CTNNA2: variants seen among roughly 807,000 people sequenced by gnomAD.
CTNNA2 encodes catenin alpha-2.
Under a neutral mutation model 101.0 loss-of-function variants are expected in CTNNA2, and 42 were observed. The ratio of observed to expected loss-of-function variants is 0.42; its 90% CI spans 0.32 to 0.54. The LOEUF (loss-of-function observed/expected upper bound fraction) is 0.54, where lower values mean the gene tolerates loss of function less well. Among genes scored for constraint, CTNNA2 ranks in the 20% least tolerant of loss-of-function variants. CTNNA2 has a pLI of 0.14. For missense variants in CTNNA2, 871 were observed against 1,223.1 expected (o/e 0.71, Z 4.29); for synonymous variants, 450 against 456.4 (o/e 0.99, Z 0.18).
At chr2:79,836,518 A>G (rs1679375999) in intron 3 of CTNNA2, among the ~76,000 whole-genome samples, 1 of 152,208 alleles carries the variant, frequency 6.6e-6, no homozygotes, top group South Asian at 2.1e-4. Context: ...ATCACAAACC[A>G]CATGGCTTAA....
At chr2:80,105,183 G>A (rs538815465) in intron 7 of CTNNA2, among the ~76,000 whole-genome samples, 2 of 152,304 alleles carry the variant, frequency 1.3e-5, no homozygotes, top group East Asian at 3.9e-4. Flanking sequence ...CCAACAGAAT[G>A]ATTGATCATG....
At chr2:79,696,968 A>G (rs1684689825) in intron 2 of CTNNA2, among the ~76,000 whole-genome samples, 1 of 151,994 alleles carries the variant, frequency 6.6e-6, no homozygotes, top group African/African-American at 2.4e-5. Flanking sequence ...AAATAAGATC[A>G]CAGATCTAAA....
At chr2:79,982,070 GCT>G (rs930013252) in intron 7 of CTNNA2, among the ~76,000 whole-genome samples, 40 of 150,048 alleles carry the variant, frequency 2.7e-4, no homozygotes, top group African/African-American at 9.8e-4. Flanking sequence ...ACAGGGTCTT[GCT>G]CTGTTATCCA....
intron 2 of CTNNA2, among the ~76,000 whole-genome samples, chr2:79,302,114 A>G (rs978877697): frequency 6.7e-6 from 1 of 150,140 alleles, no homozygotes; most frequent in Admixed American, 6.6e-5. Flanking sequence ...AAATAAATAA[A>G]TAAGTAAATA....
intron 4 of CTNNA2, among the ~76,000 whole-genome samples, chr2:79,400,000 T>G (rs1203481056): frequency 6.6e-6 from 1 of 151,882 alleles, no homozygotes; most frequent in Non-Finnish European, 1.5e-5. Context: ...GTGCCCAAAG[T>G]GGTTGGAGCA....
chr2:80,198,015 T>C (rs1187747595), intron 7 of CTNNA2, among the ~76,000 whole-genome samples: 2 of 152,148 alleles, frequency 1.3e-5, no homozygotes, highest in Non-Finnish European at 2.9e-5. Context: ...CAATAGTCAC[T>C]CTGAAATACT....
At chr2:79,309,581 G>A (rs1294260780) in intron 2 of CTNNA2, among the ~76,000 whole-genome samples, 1 of 151,956 alleles carries the variant, frequency 6.6e-6, no homozygotes, top group Admixed American at 6.6e-5. Context: ...AAAAATAACT[G>A]ATTGGTTAAC....
chr2:79,828,358 A>G (rs1040157954), intron 3 of CTNNA2, among the ~76,000 whole-genome samples: 4 of 152,212 alleles, frequency 2.6e-5, no homozygotes, highest in African/African-American at 7.2e-5. Flanking sequence ...TTGTCCATTT[A>G]TAAGCTAGAG....
chr2:79,995,902 A>G (rs1010494546), intron 7 of CTNNA2, among the ~76,000 whole-genome samples: 32 of 152,344 alleles, frequency 2.1e-4, no homozygotes, highest in African/African-American at 6.0e-4. Context: ...AAAAAGTGAT[A>G]CAACTATTGG....
chr2:79,950,764 T>A (rs952738713), intron 7 of CTNNA2, among the ~76,000 whole-genome samples: 2 of 152,232 alleles, frequency 1.3e-5, no homozygotes, highest in Admixed American at 6.5e-5. Flanking sequence ...GGATTAGCTT[T>A]ACAGATGGCT....
chr2:79,491,378 A>G (rs2104564832), intron 4 of CTNNA2, among the ~76,000 whole-genome samples: 1 of 152,336 alleles, frequency 6.6e-6, no homozygotes, highest in East Asian at 1.9e-4. Context: ...TAATTTGAAG[A>G]GTATATACCA....
chr2:80,079,593 C>G (rs891473120), intron 7 of CTNNA2, among the ~76,000 whole-genome samples: 6 of 152,004 alleles, frequency 3.9e-5, no homozygotes, highest in Non-Finnish European at 7.4e-5. Flanking sequence ...GCGGGCAGAT[C>G]ACAAGGTCAG....
chr2:80,436,896 G>A (rs1049203410), intron 9 of CTNNA2, among the ~76,000 whole-genome samples: 44 of 152,196 alleles, frequency 2.9e-4, no homozygotes, highest in Admixed American at 2.6e-4. Flanking sequence ...TGTAAATTTT[G>A]GAGAGAAAAA....
At chr2:79,930,300 GAA>G (rs757917719) in intron 7 of CTNNA2, among the ~76,000 whole-genome samples, 685 of 34,358 alleles carry the variant, frequency 0.02, 6 homozygotes, top group African/African-American at 0.082. Flanking sequence ...GAAAGAGAAA[GAA>G]AGAAAGAAAG....
At chr2:79,659,506 G>A (rs868634906) in intron 2 of CTNNA2, among the ~76,000 whole-genome samples, 18 of 152,158 alleles carry the variant, frequency 1.2e-4, no homozygotes, top group Non-Finnish European at 2.4e-4. Context: ...GGTAAAGGAT[G>A]TGCTAAAAGT....
chr2:79,976,537 G>T (rs1690854304), intron 7 of CTNNA2, among the ~76,000 whole-genome samples: 1 of 152,096 alleles, frequency 6.6e-6, no homozygotes. Flanking sequence ...CTGTCCCAGT[G>T]GATTAAAAGT....
chr2:79,710,976 G>A (rs573234392), intron 2 of CTNNA2, among the ~76,000 whole-genome samples: 3 of 152,270 alleles, frequency 2.0e-5, no homozygotes, highest in African/African-American at 7.2e-5. Flanking sequence ...ATACAGTGCT[G>A]CTAGCTGAAC....
intron 1 of CTNNA2, among the ~76,000 whole-genome samples, chr2:79,590,114 C>T (rs558200935): frequency 1.3e-5 from 2 of 152,264 alleles, no homozygotes; most frequent in African/African-American, 4.8e-5. Flanking sequence ...GGAATAAAAA[C>T]ATTTCTTTAA....
In CTNNA2 at chr2:80,573,795, G is replaced by A. The variant is rs536792391; in HGVS notation, c.1742-368G>A. Among the ~76,000 whole-genome samples the A allele has an allele frequency of 5.3e-5, 8 of 152,234 alleles. No individual in the cohort carries two copies. In the South Asian group the frequency reaches 8.3e-4, roughly 16 times the overall value. On this transcript the variant is annotated intron_variant, in intron 12 of 18. Coordinates refer to ENST00000402739, the MANE Select transcript of CTNNA2 (RefSeq NM_001282597.3). ...TATAGACAAAGAAACAGGTTAAAAC[G>A]TGGCCAAGGATTTACAGTAACCAGT... is the stretch of plus-strand genomic sequence containing the variant.
Sources: gnomAD v4.1 joint callset for allele counts (sites outside exome capture counted in the v4.1 genomes callset) on GRCh38, gnomAD v4.1.1 for gene constraint, MANE v1.5 for transcripts, NCBI Gene and HGNC (gene_info 2026-07-23, HGNC 2026-07-21) for gene names.